The following SPDYE3 variants were observed in gnomAD, a reference collection of about 807,000 sequenced individuals.
SPDYE3 encodes speedy protein E3.
A neutral mutation model predicts 55.0 loss-of-function variants in SPDYE3; 15 were observed. The ratio of observed to expected loss-of-function variants is 0.27; its 90% CI spans 0.18 to 0.42. SPDYE3 has a LOEUF of 0.42. Among genes scored for constraint, SPDYE3 ranks in the 10% least tolerant of loss-of-function variants. The pLI, the probability that SPDYE3 is intolerant of heterozygous loss-of-function variation, is 1.00. For missense variants in SPDYE3, 236 were observed against 576.7 expected (o/e 0.41, Z 6.05); for synonymous variants, 89 against 229.9 (o/e 0.39, Z 5.55).
At chr7:100,319,874 GGA>G (rs1789534545) in intron 9 of SPDYE3, 55 bp from the exon 10 acceptor site, 1 of 1,613,420 alleles carries the variant, frequency 6.2e-7, no homozygotes, top group African/African-American at 1.3e-5. Flanking sequence ...CTGGACGAGG[GGA>G]GAGAGGGGTA....
rs772991456 is a variant in SPDYE3, at chr7:100,317,112, C to T, written c.1303C>T (p.Leu435Phe). The T allele has an allele frequency of 4.3e-5, 69 of 1,611,620 alleles. No homozygotes were observed. The South Asian group carries it at 4.5e-4, about 11-fold the overall frequency. The change falls in exon 8 of 11, where the codon CTC becomes TTC. Residue 435 changes from leucine (L) to phenylalanine (F), a missense_variant. Coordinates refer to ENST00000332397, the MANE Select transcript of SPDYE3 (RefSeq NM_001004351.5). ...CATAGCGTATTTCAGCCGGGCCGGC[C>T]TCCCCTCCTGGCAATACCAACGCAT... ...MVIAYFSRAGLPSWQYQRIHF... is the reference protein window; with the variant it reads ...MVIAYFSRAGFPSWQYQRIHF...
At chr7:100,309,919 AC>A (rs1230096719) in intron 2 of SPDYE3, among the ~76,000 whole-genome samples, 1 of 144,664 alleles carries the variant, frequency 6.9e-6, no homozygotes, top group Non-Finnish European at 1.5e-5. Flanking sequence ...ACATGGTGAA[AC>A]CCCCGTCTCT....
intron 6 of SPDYE3, among the ~76,000 whole-genome samples, chr7:100,315,002 C>T (rs1806063766): frequency 6.8e-6 from 1 of 146,290 alleles, no homozygotes; most frequent in African/African-American, 2.5e-5. Context: ...CCTGAGATCC[C>T]AGCACGTTGG....
chr7:100,315,654 C>T, intron 6 of SPDYE3, 131 bp from the exon 7 acceptor site: 2 of 1,431,894 alleles, frequency 1.4e-6, no homozygotes, highest in Non-Finnish European at 1.9e-6. Flanking sequence ...ATTCTCCCCT[C>T]TCCCATCCAC....
rs1451595943 is a variant in SPDYE3 at position 100,321,753 on chromosome 7, ACTAT to A, written c.*913_*916del. On this transcript the variant is annotated 3_prime_UTR_variant, in exon 11 of 11. Coordinates refer to ENST00000332397, the MANE Select transcript of SPDYE3 (RefSeq NM_001004351.5). ...ATATATACTAACATGTCTAATATATACTATCTATTTTATTGATTTATTTCGAAAA... is the reference window on the plus strand; with the variant it reads ...ATATATACTAACATGTCTAATATATACTATTTTATTGATTTATTTCGAAAA... The A allele has an allele frequency of 6.7e-6, 1 of 150,104 alleles. No individual in the cohort carries two copies. Among genetic ancestry groups the A allele is most frequent in the Non-Finnish European group, 1.5e-5 (1 of 67,590 alleles). 9.3% of individuals were successfully genotyped at this position (150,104 alleles called of 1,614,324 possible).
intron 4 of SPDYE3, among the ~76,000 whole-genome samples, chr7:100,312,432 G>A (rs1375453800): frequency 7.1e-6 from 1 of 140,204 alleles, no homozygotes; most frequent in Non-Finnish European, 1.6e-5. Flanking sequence ...GGGAGGAAGA[G>A]GGTGCAGTGA....
At position 100,315,886 on chromosome 7, in the gene SPDYE3, C is replaced by A. The variant is rs767820447; in HGVS notation, c.1260+43C>A. Reference sequence around the variant, plus strand: ...GTAACTGTGTTCCTGTTCTAACGCACGGCCAGGGGGAGGGCGCAGCTTCCA... The same window carrying A: ...GTAACTGTGTTCCTGTTCTAACGCAAGGCCAGGGGGAGGGCGCAGCTTCCA... On this transcript the variant is annotated intron_variant, in intron 7 of 10. Transcript: ENST00000332397. The A allele has an allele frequency of 2.5e-6, 4 of 1,597,938 alleles. No individual in the cohort carries two copies. The South Asian group carries it at 3.3e-5, about 13-fold the overall frequency.
At chr7:100,320,435 T>C in intron 10 of SPDYE3, 1 of 1,050,978 alleles carries the variant, frequency 9.5e-7, no homozygotes, top group South Asian at 1.8e-5. Flanking sequence ...GCTAACCATG[T>C]TGAGCACAGA....
chr7:100,311,533 G>T (rs1167734336), intron 3 of SPDYE3, among the ~76,000 whole-genome samples: 7 of 125,126 alleles, frequency 5.6e-5, no homozygotes, highest in African/African-American at 2.1e-4. Flanking sequence ...GACCAGGGAA[G>T]GATATGACGC....
intron 1 of SPDYE3, among the ~76,000 whole-genome samples, chr7:100,308,199 T>A (rs541149826): frequency 6.8e-6 from 1 of 148,144 alleles, no homozygotes; most frequent in South Asian, 2.1e-4. Flanking sequence ...GCGGTAGTGG[T>A]GTGTGCCTAT....
chr7:100,307,952 C>T lies in SPDYE3; in HGVS notation c.67C>T (p.Leu23Phe), dbSNP rs1805862108. The T allele has an allele frequency of 1.3e-6, 2 of 1,570,650 alleles. No individual in the cohort carries two copies. Among genetic ancestry groups the T allele is most frequent in the East Asian group, 2.3e-5 (1 of 43,690 alleles). The stretch of plus-strand genomic sequence containing the variant: ...CCAGCGGAGCACCTCAGGGTACCCC[C>T]TCCAGGAGGTGGTGGATGATGAAGT... ...SPQRSTSGYP[L>F]QEVVDDEVSG... The change falls in exon 1 of 11, where the codon CTC (leucine) becomes TTC (phenylalanine). Residue 23 changes from leucine to phenylalanine, a missense_variant. Coordinates refer to ENST00000332397, the MANE Select transcript of SPDYE3 (RefSeq NM_001004351.5).
chr7:100,317,654 A>T (rs1281226193), intron 8 of SPDYE3, among the ~76,000 whole-genome samples: 1 of 150,982 alleles, frequency 6.6e-6, no homozygotes, highest in Admixed American at 6.6e-5. Context: ...CCAAACTCCA[A>T]TGCCAGTGTA....
chr7:100,316,905 C>T (rs1806118129), intron 7 of SPDYE3, among the ~76,000 whole-genome samples, 165 bp from the exon 8 acceptor site: 2 of 152,184 alleles, frequency 1.3e-5, no homozygotes, highest in Admixed American at 6.6e-5. Flanking sequence ...ATCCGACCTT[C>T]GAATACCCCT....
intron 10 of SPDYE3, chr7:100,320,311 C>T (rs1348511414): frequency 3.6e-5 from 39 of 1,089,562 alleles, no homozygotes; most frequent in East Asian, 2.6e-4. Flanking sequence ...GAGTGAGACC[C>T]TGCCTCAAAA....
chr7:100,318,524 C>T (rs1789496780), intron 8 of SPDYE3, among the ~76,000 whole-genome samples: 1 of 152,184 alleles, frequency 6.6e-6, no homozygotes, highest in African/African-American at 2.4e-5. Context: ...GGGAAGCACC[C>T]ATTCCTTGAA....
chr7:100,322,179 A>T lies in SPDYE3; in HGVS notation c.*1334A>T, dbSNP rs970011790. On this transcript the variant is annotated 3_prime_UTR_variant, in exon 11 of 11. Transcript: ENST00000332397. Reference sequence around the variant, plus strand: ...TTCCCCTAAATTCTTGTAAAAATAAATTTTTATTTGATATTTAGTGTATGT... The same window carrying T: ...TTCCCCTAAATTCTTGTAAAAATAATTTTTTATTTGATATTTAGTGTATGT... 6.6e-6 allele frequency: 1 copy of T among 151,924 alleles called. No homozygotes were observed. The highest frequency in any genetic ancestry group is 1.5e-5 in the Non-Finnish European group (1 of 68,000). 9.4% of individuals were successfully genotyped at this position (151,924 alleles called of 1,614,324 possible).
In SPDYE3 at chr7:100,308,166, C is replaced by T. The variant is rs576750612; in HGVS notation, c.106+175C>T. ...CCAACATGGTGAAACCCCATCTCTA[C>T]TAAAAGTACAAAAATTAGCCAGGCG... On this transcript the variant is annotated intron_variant, in intron 1 of 10. Coordinates refer to ENST00000332397, the MANE Select transcript of SPDYE3 (RefSeq NM_001004351.5). Among the ~76,000 whole-genome samples, 199 of 151,516 alleles carry T rather than the reference C, an allele frequency of 1.3e-3. 1 individual carries two copies. The highest frequency in any genetic ancestry group is 4.7e-3 in the African/African-American group (195 of 41,296).
chr7:100,316,850 C>T (rs1368482361), intron 7 of SPDYE3, among the ~76,000 whole-genome samples: 1 of 152,158 alleles, frequency 6.6e-6, no homozygotes, highest in Non-Finnish European at 1.5e-5. Flanking sequence ...GCCCACCATC[C>T]TGGGAGCATC....
In SPDYE3 at chr7:100,320,947, T is replaced by C. The variant is rs1184028852; in HGVS notation, c.*102T>C. On this transcript the variant is annotated 3_prime_UTR_variant, in exon 11 of 11. Coordinates refer to ENST00000332397, the MANE Select transcript of SPDYE3 (RefSeq NM_001004351.5). ...AGCAGGAACTTTATTCCAGTGCTAA[T>C]GGCAGACATCAGGAAGGAGGAGAGG... The C allele has an allele frequency of 4.9e-6, 6 of 1,226,722 alleles. No homozygotes were observed. The highest frequency in any genetic ancestry group is 2.3e-5 in the South Asian group (2 of 85,346). 76.0% of individuals were successfully genotyped at this position (1,226,722 alleles called of 1,614,324 possible).
Sources: gnomAD v4.1 joint callset for allele counts (sites outside exome capture counted in the v4.1 genomes callset) on GRCh38, gnomAD v4.1.1 for gene constraint, MANE v1.5 for transcripts, NCBI Gene and HGNC (gene_info 2026-07-23, HGNC 2026-07-21) for gene names.